The following RALGAPA1 variants were observed in gnomAD, a reference collection of about 807,000 sequenced individuals.
The protein encoded by RALGAPA1 is Ral GTPase activating protein catalytic subunit alpha 1, also known as ral GTPase-activating protein subunit alpha-1.
In RALGAPA1, 52 loss-of-function variants were observed where a neutral mutation model predicts 269.6. That is an observed-to-expected ratio of 0.19 (90% CI 0.15 to 0.24). The LOEUF is 0.24. RALGAPA1 is among the 10% of genes least tolerant of loss of function. RALGAPA1 has a pLI of 1.00. For synonymous variants in RALGAPA1, 817 were observed against 1,008.3 expected, an observed-to-expected ratio of 0.81 and a Z score of 3.60; for missense variants, 1,917 against 3,013.9, an observed-to-expected ratio of 0.64 and a Z score of 8.52.
intron 1 of RALGAPA1, among the ~76,000 whole-genome samples, chr14:35,792,720 T>C (rs1293502065): frequency 2.7e-5 from 4 of 146,970 alleles, no homozygotes; most frequent in Non-Finnish European, 6.0e-5. Context: ...CAAGTAGAGG[T>C]TGCAGTGAGC....
chr14:35,670,932 A>G (rs1016170280), intron 26 of RALGAPA1, among the ~76,000 whole-genome samples: 4 of 149,820 alleles, frequency 2.7e-5, no homozygotes, highest in Non-Finnish European at 6.0e-5. Flanking sequence ...TCAAAAAAAA[A>G]AAAAGAGAGA....
intron 6 of RALGAPA1, 71 bp downstream of exon 6, chr14:35,760,758 T>C (rs1450739481): frequency 3.5e-6 from 4 of 1,132,280 alleles, no homozygotes; most frequent in Middle Eastern, 6.2e-4. Context: ...GCACAGACAT[T>C]TGAAAAAATA....
At chr14:35,591,267 C>T (rs1449790828) in intron 37 of RALGAPA1, among the ~76,000 whole-genome samples, 1 of 151,746 alleles carries the variant, frequency 6.6e-6, no homozygotes, top group Non-Finnish European at 1.5e-5. Context: ...GTATAGGATA[C>T]AGCATGTTAT....
intron 35 of RALGAPA1, among the ~76,000 whole-genome samples, chr14:35,612,994 A>G (rs1387818834): frequency 2.0e-5 from 3 of 152,298 alleles, no homozygotes; most frequent in Admixed American, 2.0e-4. Flanking sequence ...TGCAAATCAT[A>G]TATCTGATAA....
chr14:35,638,954 A>C (rs2061835121), intron 31 of RALGAPA1, among the ~76,000 whole-genome samples: 1 of 151,986 alleles, frequency 6.6e-6, no homozygotes, highest in Admixed American at 6.6e-5. Context: ...AAAAAGAATA[A>C]AAAATAAAAA....
chr14:35,738,108 A>C (rs2141116201), intron 12 of RALGAPA1, among the ~76,000 whole-genome samples: 1 of 151,716 alleles, frequency 6.6e-6, no homozygotes, highest in East Asian at 1.9e-4. Flanking sequence ...AAAAAAGTTC[A>C]CTGTAGTACT....
At chr14:35,560,263 T>C (rs1202133947) in intron 39 of RALGAPA1, among the ~76,000 whole-genome samples, 3 of 152,196 alleles carry the variant, frequency 2.0e-5, no homozygotes, top group Non-Finnish European at 4.4e-5. Context: ...TGCTTGACTG[T>C]ATTATCTGGT....
chr14:35,588,513 T>C (rs371009061), intron 37 of RALGAPA1, among the ~76,000 whole-genome samples: 2 of 152,342 alleles, frequency 1.3e-5, no homozygotes, highest in Non-Finnish European at 1.5e-5. Flanking sequence ...TTGTTCCACT[T>C]TTAGGTTTGC....
At chr14:35,664,858 G>T in intron 26 of RALGAPA1, 91 bp from the exon 27 acceptor site, 1 of 1,160,766 alleles carries the variant, frequency 8.6e-7, no homozygotes, top group South Asian at 1.6e-5. Flanking sequence ...CATTAGACAG[G>T]GAAGTGATAC....
At chr14:35,730,731 C>A (rs547657166) in intron 12 of RALGAPA1, among the ~76,000 whole-genome samples, 1 of 152,300 alleles carries the variant, frequency 6.6e-6, no homozygotes, top group East Asian at 1.9e-4. Flanking sequence ...TGTAGCAAGA[C>A]CCACCCAAGG....
chr14:35,633,559 C>T (rs756861317), intron 33 of RALGAPA1, among the ~76,000 whole-genome samples: 2 of 152,046 alleles, frequency 1.3e-5, no homozygotes, highest in African/African-American at 2.4e-5. Context: ...TTGTGAGCCA[C>T]GCAATCTCTA....
At chr14:35,735,328 G>A (rs1317288623) in intron 12 of RALGAPA1, among the ~76,000 whole-genome samples, 3 of 152,092 alleles carry the variant, frequency 2.0e-5, no homozygotes, top group East Asian at 3.8e-4. Context: ...ATCAATCAAC[G>A]AGTGGATAAA....
chr14:35,638,188 T>C (rs148401661), intron 31 of RALGAPA1, among the ~76,000 whole-genome samples: 2 of 152,276 alleles, frequency 1.3e-5, no homozygotes, highest in East Asian at 3.9e-4. Flanking sequence ...AACGCTGTAA[T>C]TGTGGTGTGT....
chr14:35,716,446 C>T lies in RALGAPA1; in HGVS notation c.2266+5242G>A, dbSNP rs372029256. ...GACTATTGCAATGTAAACAGGTATA[C>T]CTCCCCTAAATATTTCAGGATTCAT... On this transcript the variant is annotated intron_variant, in intron 16 of 41. Coordinates refer to ENST00000680220, the MANE Select transcript of RALGAPA1 (RefSeq NM_001346249.2). 8.1e-5 allele frequency among the ~76,000 whole-genome samples: 12 copies of T among 147,886 alleles called. No homozygotes were observed. The East Asian group carries it at 1.8e-3, about 22-fold the overall frequency.
At chr14:35,539,924 C>T (rs1252574018) in intron 41 of RALGAPA1, among the ~76,000 whole-genome samples, 1 of 152,106 alleles carries the variant, frequency 6.6e-6, no homozygotes, top group African/African-American at 2.4e-5. Flanking sequence ...ATTCCCAGGG[C>T]TAGAACCCTG....
chr14:35,581,893 A>G (rs2057974866), intron 37 of RALGAPA1, among the ~76,000 whole-genome samples: 1 of 152,212 alleles, frequency 6.6e-6, no homozygotes, highest in East Asian at 1.9e-4. Flanking sequence ...CTATATAGCT[A>G]AATTGAAAAC....
chr14:35,552,732 AAAAT>A (rs1768076291), intron 39 of RALGAPA1, among the ~76,000 whole-genome samples: 1 of 152,048 alleles, frequency 6.6e-6, no homozygotes, highest in African/African-American at 2.4e-5. Context: ...AAAAAAAAAA[AAAAT>A]AACACACAGG....
chr14:35,788,981 C>T (rs774036123), intron 1 of RALGAPA1, among the ~76,000 whole-genome samples: 4 of 152,054 alleles, frequency 2.6e-5, no homozygotes, highest in African/African-American at 7.2e-5. Context: ...ATATGCCAGG[C>T]GCCATGCTAA....
In RALGAPA1 at chr14:35,552,866, A is replaced by G. The variant is rs2055160023; in HGVS notation, c.7497-3632T>C. On this transcript the variant is annotated intron_variant, in intron 39 of 41. Coordinates refer to ENST00000680220, the MANE Select transcript of RALGAPA1 (RefSeq NM_001346249.2). ...AAGGGAACAAAATGTCTATAGCGTA[A>G]AGAAACAGTTTAAATGTAATCTGTA... 2.0e-5 allele frequency among the ~76,000 whole-genome samples: 3 copies of G among 152,208 alleles called. No individual in the cohort carries two copies. In the South Asian group the frequency reaches 6.2e-4, roughly 32 times the overall value.
Sources: gnomAD v4.1 joint callset for allele counts (sites outside exome capture counted in the v4.1 genomes callset) on GRCh38, gnomAD v4.1.1 for gene constraint, MANE v1.5 for transcripts, NCBI Gene and HGNC (gene_info 2026-07-23, HGNC 2026-07-21) for gene names.